Variants in RYR2 observed in about 807,000 individuals in gnomAD.
RYR2 encodes cardiac muscle ryanodine receptor-calcium release channel.
A neutral mutation model predicts 601.1 loss-of-function variants in RYR2; 227 were observed. That is an observed-to-expected ratio of 0.38 (90% confidence interval 0.34 to 0.42). The LOEUF is 0.42. Among genes scored for constraint, RYR2 ranks in the 10% least tolerant of loss-of-function variants. The probability of loss-of-function intolerance (pLI) is 1.00; values close to 1 mark genes in which losing one functional copy is unlikely to be tolerated. For synonymous variants in RYR2, 2,223 were observed against 2,175.1 expected, an observed-to-expected ratio of 1.02 and a Z score of -0.61; for missense variants, 4,646 against 6,156.5, an observed-to-expected ratio of 0.75 and a Z score of 8.21.
At chr1:237,285,573 C>A (rs1408353057) in intron 2 of RYR2, among the ~76,000 whole-genome samples, 19 of 152,048 alleles carry the variant, frequency 1.2e-4, no homozygotes, top group Non-Finnish European at 2.9e-5. Context: ...CTTTCTCTAT[C>A]TTGTAGAATA....
chr1:237,081,441 G>A (rs921724143), intron 1 of RYR2, among the ~76,000 whole-genome samples: 2 of 151,628 alleles, frequency 1.3e-5, no homozygotes, highest in African/African-American at 4.9e-5. Flanking sequence ...GTTCTAAAGG[G>A]ACAACCAAGA....
At chr1:237,529,579 C>T (rs1472379989) in intron 24 of RYR2, among the ~76,000 whole-genome samples, 2 of 151,846 alleles carry the variant, frequency 1.3e-5, no homozygotes, top group Non-Finnish European at 1.5e-5. Context: ...TTAGATAATT[C>T]CCACATTCTT....
chr1:237,630,341 C>A lies in RYR2; in HGVS notation c.6441-1086C>A, dbSNP rs1287089864. On this transcript the variant is annotated intron_variant, in intron 41 of 104. Coordinates refer to ENST00000366574, the MANE Select transcript of RYR2 (RefSeq NM_001035.3). Reference sequence around the variant, plus strand: ...TTAATGAGACAATAAAAAGAAAAAGCTGCCCTTGTTTACCTTAGTTTGTTC... The same window carrying A: ...TTAATGAGACAATAAAAAGAAAAAGATGCCCTTGTTTACCTTAGTTTGTTC... Among the ~76,000 whole-genome samples, 3 of 152,040 alleles carry A rather than the reference C, an allele frequency of 2.0e-5. No individual in the cohort carries two copies. The East Asian group carries it at 5.8e-4, about 29-fold the overall frequency.
intron 1 of RYR2, among the ~76,000 whole-genome samples, chr1:237,196,101 T>C (rs1454833362): frequency 1.3e-5 from 2 of 152,198 alleles, no homozygotes; most frequent in African/African-American, 4.8e-5. Flanking sequence ...ATTACAAATG[T>C]CAAGTTAATG....
chr1:237,209,901 TG>T (rs1335325353), intron 1 of RYR2, among the ~76,000 whole-genome samples: 1 of 152,164 alleles, frequency 6.6e-6, no homozygotes, highest in African/African-American at 2.4e-5. Flanking sequence ...CCCTAATACA[TG>T]TTCAGGATTT....
chr1:237,244,156 T>C (rs767402904), intron 1 of RYR2, among the ~76,000 whole-genome samples: 2 of 152,178 alleles, frequency 1.3e-5, no homozygotes, highest in African/African-American at 4.8e-5. Context: ...CCAGTGTCCA[T>C]AGGGCTGTCC....
chr1:237,451,508 G>A (rs767076237), intron 14 of RYR2, among the ~76,000 whole-genome samples: 5 of 150,812 alleles, frequency 3.3e-5, no homozygotes, highest in Non-Finnish European at 7.4e-5. Context: ...CTGAACTCAG[G>A]AGGCAGAGGT....
intron 1 of RYR2, among the ~76,000 whole-genome samples, chr1:237,158,461 G>A (rs989890061): frequency 5.3e-5 from 8 of 152,030 alleles, no homozygotes; most frequent in African/African-American, 9.7e-5. Flanking sequence ...GCCTTCTCCC[G>A]GGCTTTGAAG....
intron 19 of RYR2, among the ~76,000 whole-genome samples, chr1:237,494,602 A>T (rs1272168895): frequency 2.0e-5 from 3 of 152,160 alleles, no homozygotes; most frequent in Non-Finnish European, 4.4e-5. Context: ...TCAAGTTGAC[A>T]CTCAGTATGA....
intron 69 of RYR2, 24 bp downstream of exon 69, chr1:237,709,122 AT>A: frequency 6.5e-7 from 1 of 1,530,552 alleles, no homozygotes; most frequent in East Asian, 2.3e-5. Flanking sequence ...TAATTTAGTA[AT>A]TTCTCCAATT....
chr1:237,595,576 G>A lies in RYR2; in HGVS notation c.4515G>A (p.Leu1505=). ...GGCAAGGACGCAACAATAATGGACTGGAGATTGGCTGTGTGGTGGATGCTG... is the reference window on the plus strand; with the variant it reads ...GGCAAGGACGCAACAATAATGGACTAGAGATTGGCTGTGTGGTGGATGCTG... ...SPGQGRNNNG[L]EIGCVVDAAS... The change falls in exon 34 of 105, where the codon CTG becomes CTA. Residue 1505 remains leucine (L), a synonymous_variant. Coordinates refer to ENST00000366574, the MANE Select transcript of RYR2 (RefSeq NM_001035.3). 1 of 1,613,616 alleles carries A rather than the reference G, an allele frequency of 6.2e-7. No homozygotes were observed. Among genetic ancestry groups the A allele is most frequent in the Non-Finnish European group, 8.5e-7 (1 of 1,179,704 alleles).
chr1:237,082,248 C>T (rs1218146993), intron 1 of RYR2, among the ~76,000 whole-genome samples: 1 of 151,956 alleles, frequency 6.6e-6, no homozygotes, highest in African/African-American at 2.4e-5. Flanking sequence ...CACAGCTCAT[C>T]GTTTTGTGCC....
chr1:237,742,570 C>A (rs1031759156), intron 80 of RYR2, among the ~76,000 whole-genome samples: 6 of 152,154 alleles, frequency 3.9e-5, no homozygotes, highest in Non-Finnish European at 7.3e-5. Flanking sequence ...CACATATGTT[C>A]AGAATGAGTG....
chr1:237,284,136 A>C (rs1452447956), intron 2 of RYR2, among the ~76,000 whole-genome samples: 1 of 152,072 alleles, frequency 6.6e-6, no homozygotes, highest in East Asian at 1.9e-4. Context: ...TAATCCCAGC[A>C]CTTTGGGAGG....
intron 6 of RYR2, among the ~76,000 whole-genome samples, chr1:237,371,612 C>A (rs1228305699): frequency 1.6e-4 from 24 of 152,024 alleles, no homozygotes; most frequent in Admixed American, 1.6e-3. Context: ...TAGATGATTC[C>A]TGTATTATGT....
In RYR2 at chr1:237,356,890, A is replaced by G. The variant is rs1001350607; in HGVS notation, c.294+905A>G. On this transcript the variant is annotated intron_variant, in intron 4 of 104. Coordinates refer to ENST00000366574, the MANE Select transcript of RYR2 (RefSeq NM_001035.3). ...TTTTTGTATTTGCTCTGTGACTTAT[A>G]TGAAGAATCCTTTAAGATTGACTTA... 8.5e-5 allele frequency among the ~76,000 whole-genome samples: 13 copies of G among 152,162 alleles called. 1 individual carries two copies. The highest frequency in any genetic ancestry group is 2.9e-4 in the African/African-American group (12 of 41,440).
At chr1:237,722,655 G>C (rs180849037) in intron 73 of RYR2, among the ~76,000 whole-genome samples, 1 of 152,070 alleles carries the variant, frequency 6.6e-6, no homozygotes, top group East Asian at 1.9e-4. Context: ...GGACGGTCTC[G>C]ATCTGCTGAC....
At chr1:237,680,970 C>A (rs1685827824) in intron 62 of RYR2, among the ~76,000 whole-genome samples, 1 of 152,138 alleles carries the variant, frequency 6.6e-6, no homozygotes, top group Non-Finnish European at 1.5e-5. Flanking sequence ...CCCACATATA[C>A]AAATTTAATT....
At chr1:237,191,501 A>T in intron 1 of RYR2, among the ~76,000 whole-genome samples, 1 of 150,094 alleles carries the variant, frequency 6.7e-6, no homozygotes, top group African/African-American at 2.5e-5. Context: ...CTTAGATTTT[A>T]TCGGGAAGAA....
Sources: allele counts gnomAD v4.1 joint callset (sites outside exome capture counted in the v4.1 genomes callset), GRCh38; gene constraint gnomAD v4.1.1; transcripts MANE v1.5; gene names NCBI Gene and HGNC (gene_info 2026-07-23, HGNC 2026-07-21).